The following USP28 variants were observed in gnomAD, a reference collection of about 807,000 sequenced individuals.
USP28 encodes ubiquitin specific peptidase 28.
Under a neutral mutation model 145.0 loss-of-function variants are expected in USP28, and 113 were observed. The observed-to-expected ratio is 0.78, with a 90% CI of 0.67 to 0.91. USP28 has a LOEUF of 0.91. USP28 is among the 40% of genes least tolerant of loss of function. The probability of loss-of-function intolerance (pLI) is 0.00; values close to 1 mark genes in which losing one functional copy is unlikely to be tolerated. For missense variants in USP28, 1,201 were observed against 1,289.6 expected, an observed-to-expected ratio of 0.93 and a Z score of 1.05; for synonymous variants, 447 against 450.9, an observed-to-expected ratio of 0.99 and a Z score of 0.11.
exon 7 of USP28, chr11:113,833,544 A>G (rs757077716): frequency 9.3e-6 from 15 of 1,613,502 alleles, no homozygotes; most frequent in African/African-American, 2.7e-5. Context: ...CATAAACATG[A>G]TATTTCTCTT....
intron 3 of USP28, among the ~76,000 whole-genome samples, chr11:113,846,090 C>A (rs2136296441): frequency 6.6e-6 from 1 of 152,054 alleles, no homozygotes; most frequent in Non-Finnish European, 1.5e-5. Flanking sequence ...TGAAATAAGC[C>A]CACTGCAAAA....
At chr11:113,813,902 C>T (rs1377908401) in exon 15 of USP28, 6 of 1,612,786 alleles carry the variant, frequency 3.7e-6, no homozygotes, top group Non-Finnish European at 2.5e-6. Flanking sequence ...AGGAGAGGAT[C>T]GCAGTACATC....
At chr11:113,865,085 C>G (rs750971439) in intron 1 of USP28, among the ~76,000 whole-genome samples, 1 of 152,154 alleles carries the variant, frequency 6.6e-6, no homozygotes, top group Non-Finnish European at 1.5e-5. Context: ...AGCAATCCCC[C>G]CCGTCTCGGC....
intron 2 of USP28, among the ~76,000 whole-genome samples, chr11:113,853,676 A>G (rs1451218599): frequency 6.6e-6 from 1 of 152,054 alleles, no homozygotes; most frequent in African/African-American, 2.4e-5. Context: ...GGAGTTCAAG[A>G]CCAGCCTGGC....
exon 4 of USP28, chr11:113,841,682 C>A (rs1195728505): frequency 1.2e-6 from 2 of 1,611,788 alleles, no homozygotes; most frequent in Non-Finnish European, 1.7e-6. Flanking sequence ...TCTCTTCCAT[C>A]AGCTTGAATT....
At chr11:113,869,676 T>C (rs1948628097) in intron 1 of USP28, among the ~76,000 whole-genome samples, 1 of 152,092 alleles carries the variant, frequency 6.6e-6, no homozygotes, top group South Asian at 2.1e-4. Context: ...TAAAAATGTA[T>C]GGAAAAGTGC....
chr11:113,819,971 G>A (rs2513565), intron 12 of USP28, among the ~76,000 whole-genome samples: 13,308 of 152,170 alleles, frequency 0.087, 685 homozygotes, highest in Non-Finnish European at 0.11. Context: ...CACCGCGCCC[G>A]GCCAGACTAA....
exon 18 of USP28, chr11:113,808,436 C>A: frequency 6.2e-7 from 1 of 1,613,818 alleles, no homozygotes; most frequent in Non-Finnish European, 8.5e-7. Flanking sequence ...CTACTGAAGG[C>A]TCTGATAAAG....
chr11:113,853,373 A>AT (rs1946696978), intron 2 of USP28, among the ~76,000 whole-genome samples: 1 of 150,258 alleles, frequency 6.7e-6, no homozygotes, highest in Non-Finnish European at 1.5e-5. Flanking sequence ...TCTTGTTTTT[A>AT]ATGTTTTATG....
intron 1 of USP28, 35 bp from the exon 2 acceptor site, chr11:113,854,370 C>A: frequency 6.3e-7 from 1 of 1,587,894 alleles, no homozygotes; most frequent in South Asian, 1.1e-5. Flanking sequence ...ACAAACATGT[C>A]AGTCAGAAAG....
chr11:113,817,303 G>A (rs1941884243), intron 13 of USP28, among the ~76,000 whole-genome samples: 1 of 152,184 alleles, frequency 6.6e-6, no homozygotes, highest in South Asian at 2.1e-4. Flanking sequence ...CATACTTCAA[G>A]TGTGTGAGCA....
rs556945862 is a variant in USP28, at chr11:113,874,902, T to C, written c.57+543A>G. 1.2e-5 allele frequency: 12 copies of C among 998,596 alleles called. No homozygotes were observed. In the East Asian group the frequency reaches 1.2e-3, roughly 99 times the overall value. The allele number at this position is 998,596 out of a possible 1,614,324, so 61.9% of individuals were successfully genotyped here. A position where few individuals can be genotyped will look rare whatever the true frequency, so the allele number is the denominator to read the frequency against. On this transcript the variant is annotated intron_variant, in intron 1 of 24. Transcript: ENST00000003302. Reference sequence around the variant, plus strand: ...AATCTAGAGCGATGAAGGCAATAATTGGGGAGGCTGCGCTGTTTTGTTTTT... The same window carrying C: ...AATCTAGAGCGATGAAGGCAATAATCGGGGAGGCTGCGCTGTTTTGTTTTT...
At chr11:113,833,242 C>G (rs902634668) in intron 7 of USP28, among the ~76,000 whole-genome samples, 178 bp downstream of exon 7, 3 of 152,172 alleles carry the variant, frequency 2.0e-5, no homozygotes, top group Non-Finnish European at 4.4e-5. Context: ...CACACTCTCT[C>G]ACACACACAT....
rs200948180 is a variant in USP28 at position 113,808,284 on chromosome 11, C to T, written c.2304+14G>A. The T allele has an allele frequency of 9.2e-4, 1,484 of 1,607,158 alleles. 1 individual carries two copies. Among genetic ancestry groups the T allele is most frequent in the Non-Finnish European group, 1.1e-3 (1,295 of 1,178,186 alleles). On this transcript the variant is annotated intron_variant, in intron 18 of 24. Coordinates refer to ENST00000003302, the Ensembl canonical transcript of USP28. ...CCCGGCTCTCCTGAACTTGGGCTTC[C>T]CAGTCATTCTCACCTCACTCAGTGC...
intron 5 of USP28, among the ~76,000 whole-genome samples, chr11:113,838,214 G>A (rs1468487310): frequency 3.3e-5 from 5 of 152,272 alleles, no homozygotes; most frequent in Non-Finnish European, 7.4e-5. Flanking sequence ...CTAATGGTGG[G>A]GGGGCGGTGG....
At chr11:113,804,942 A>G (rs1273948271) in exon 20 of USP28, 1 of 1,614,088 alleles carries the variant, frequency 6.2e-7, no homozygotes, top group Non-Finnish European at 8.5e-7. Flanking sequence ...TGGGTGCTTC[A>G]TTTTGGAAAA....
At chr11:113,854,944 A>T (rs942710041) in intron 1 of USP28, among the ~76,000 whole-genome samples, 1 of 152,234 alleles carries the variant, frequency 6.6e-6, no homozygotes, top group African/African-American at 2.4e-5. Flanking sequence ...GCAGTGCATT[A>T]AGTAGGGCAT....
At chr11:113,857,862 C>T (rs1449069606) in intron 1 of USP28, among the ~76,000 whole-genome samples, 4 of 151,924 alleles carry the variant, frequency 2.6e-5, no homozygotes, top group East Asian at 1.9e-4. Flanking sequence ...TAAACTCTTT[C>T]GTTTCCTTTT....
At chr11:113,847,009 T>A (rs1406400963) in intron 3 of USP28, among the ~76,000 whole-genome samples, 2 of 152,004 alleles carry the variant, frequency 1.3e-5, no homozygotes, top group Non-Finnish European at 2.9e-5. Flanking sequence ...ATAAATAAAT[T>A]AATAAATAAT....
Sources: gnomAD v4.1 joint callset for allele counts (sites outside exome capture counted in the v4.1 genomes callset) on GRCh38, gnomAD v4.1.1 for gene constraint, MANE v1.5 for transcripts, NCBI Gene and HGNC (gene_info 2026-07-23, HGNC 2026-07-21) for gene names.